Variants in MTDH observed in about 807,000 individuals in gnomAD.
MTDH encodes metadherin, also known as protein LYRIC.
In MTDH, 34 loss-of-function variants were observed where a neutral mutation model predicts 72.7. The ratio of observed to expected loss-of-function variants is 0.47; its 90% CI spans 0.36 to 0.62. The LOEUF is 0.62. Among genes scored for constraint, MTDH ranks in the 20% least tolerant of loss-of-function variants. The pLI, the probability that MTDH is intolerant of heterozygous loss-of-function variation, is 0.00. For missense variants in MTDH, 677 were observed against 699.4 expected, an observed-to-expected ratio of 0.97 and a Z score of 0.36; for synonymous variants, 266 against 268.9, an observed-to-expected ratio of 0.99 and a Z score of 0.10.
chr8:97,713,233 T>C (rs576044440), intron 8 of MTDH, among the ~76,000 whole-genome samples: 2 of 152,204 alleles, frequency 1.3e-5, no homozygotes, highest in South Asian at 2.1e-4. Context: ...TACAGGCGCC[T>C]GCCATCACGC....
rs781634871 is a variant in MTDH, at chr8:97,728,245, TAAAAC to T, written c.*3579_*3583del. The T allele has an allele frequency of 1.2e-4, 18 of 152,336 alleles. No homozygotes were observed. The highest frequency in any genetic ancestry group is 2.1e-4 in the South Asian group (1 of 4,832). 9.4% of individuals were successfully genotyped at this position (152,336 alleles called of 1,614,324 possible). ...CATAAGATGCATTGAGTATTGTAAA[TAAAAC>T]AAACCATTTTTGATTTGTTTAAATT... is the stretch of plus-strand genomic sequence containing the variant. On this transcript the variant is annotated 3_prime_UTR_variant, in exon 12 of 12. Transcript: ENST00000336273.
chr8:97,656,569 G>A (rs1157089578), intron 1 of MTDH, among the ~76,000 whole-genome samples: 1 of 151,284 alleles, frequency 6.6e-6, no homozygotes, highest in Non-Finnish European at 1.5e-5. Flanking sequence ...CCAAAGTGCT[G>A]GGATTACAGG....
At chr8:97,678,288 T>A (rs1374840680) in intron 2 of MTDH, among the ~76,000 whole-genome samples, 2 of 152,160 alleles carry the variant, frequency 1.3e-5, no homozygotes, top group African/African-American at 4.8e-5. Flanking sequence ...TGACTGGAAT[T>A]AAAAAAATAA....
chr8:97,684,122 A>G (rs1196970495), intron 2 of MTDH, among the ~76,000 whole-genome samples: 1 of 137,922 alleles, frequency 7.3e-6, no homozygotes, highest in Non-Finnish European at 1.6e-5. Context: ...GGGCAACAAG[A>G]GTGAAAAACT....
At chr8:97,646,255 A>C (rs953357937) in intron 1 of MTDH, among the ~76,000 whole-genome samples, 1 of 152,198 alleles carries the variant, frequency 6.6e-6, no homozygotes, top group Admixed American at 6.5e-5. Context: ...ATAGGCCTTC[A>C]CGTTTTGCCT....
At chr8:97,669,789 G>A (rs1433843901) in intron 2 of MTDH, among the ~76,000 whole-genome samples, 1 of 152,034 alleles carries the variant, frequency 6.6e-6, no homozygotes, top group Non-Finnish European at 1.5e-5. Flanking sequence ...GATGGCACAC[G>A]CCTGTAATCC....
chr8:97,682,201 T>A (rs1300909835), intron 2 of MTDH, among the ~76,000 whole-genome samples: 1 of 134,826 alleles, frequency 7.4e-6, no homozygotes, highest in Non-Finnish European at 1.6e-5. Flanking sequence ...TATTTAATCT[T>A]ATCGGGATGG....
intron 3 of MTDH, 41 bp downstream of exon 3, chr8:97,686,793 C>T (rs757332105): frequency 1.5e-6 from 2 of 1,364,976 alleles, no homozygotes; most frequent in East Asian, 2.4e-5. Flanking sequence ...ATTTTTTAAT[C>T]CTTTTTTATC....
chr8:97,678,049 A>T (rs1812926932), intron 2 of MTDH, among the ~76,000 whole-genome samples: 1 of 152,238 alleles, frequency 6.6e-6, no homozygotes, highest in African/African-American at 2.4e-5. Context: ...TAAATAAATT[A>T]GTACCAGAGC....
rs548400860 is a variant in MTDH at position 97,679,072 on chromosome 8, A to T, written c.484-7596A>T. On this transcript the variant is annotated intron_variant, in intron 2 of 11. Coordinates refer to ENST00000336273, the MANE Select transcript of MTDH (RefSeq NM_178812.4). ...CTAACAGCCCAGATTCCAGAGCACG[A>T]GTACATGGGATCCAATTCCAGTTCT... Among the ~76,000 whole-genome samples, 3 of 152,332 alleles carry T rather than the reference A, an allele frequency of 2.0e-5. No homozygotes were observed. The East Asian group carries it at 5.8e-4, about 29-fold the overall frequency.
rs182152461 is a variant in MTDH, at chr8:97,709,907, C to T, written c.1272+3157C>T. Reference sequence around the variant, plus strand: ...GAGTTAAAAGTTGTAGAGTTGATTTCAGCATCTTCCCATTAACAAAAATAG... The same window carrying T: ...GAGTTAAAAGTTGTAGAGTTGATTTTAGCATCTTCCCATTAACAAAAATAG... On this transcript the variant is annotated intron_variant, in intron 8 of 11. Transcript: ENST00000336273. 2.5e-3 allele frequency among the ~76,000 whole-genome samples: 375 copies of T among 152,292 alleles called. 1 individual carries two copies. The highest frequency in any genetic ancestry group is 4.2e-3 in the Non-Finnish European group (289 of 68,016).
intron 2 of MTDH, among the ~76,000 whole-genome samples, chr8:97,668,059 C>T (rs1019559498): frequency 6.6e-6 from 1 of 152,014 alleles, no homozygotes; most frequent in African/African-American, 2.4e-5. Context: ...AGGCCGAGAT[C>T]AGTGGATCAC....
intron 8 of MTDH, among the ~76,000 whole-genome samples, chr8:97,709,391 T>C (rs141207556): frequency 3.1e-4 from 47 of 152,330 alleles, no homozygotes; most frequent in Non-Finnish European, 5.9e-4. Context: ...TTCACATGTT[T>C]GTTGGACATT....
In MTDH at chr8:97,723,000, C is replaced by A; in HGVS notation, c.1643C>A (p.Ser548Ter). 1 of 1,614,062 alleles carries A rather than the reference C, an allele frequency of 6.2e-7. No homozygotes were observed. The highest frequency in any genetic ancestry group is 1.1e-5 in the South Asian group (1 of 91,046). ...PILQETDKSKSNTKQNSVPPS... is the reference protein window; with the variant it reads ...PILQETDKSK Reference sequence around the variant, plus strand: ...CTACAAGAGACAGATAAATCCAAGTCAAATACCAAGCAAAATAGTGTGCCT... The same window carrying A: ...CTACAAGAGACAGATAAATCCAAGTAAAATACCAAGCAAAATAGTGTGCCT... Residue 548 changes from serine (S) to a stop codon, truncating the protein, a stop_gained, in exon 11 of 12, where the codon TCA becomes TAA. Transcript: ENST00000336273. LOFTEE classifies it high-confidence loss of function.
rs142689277 is a variant in MTDH, at chr8:97,673,068, C to G, written c.483+11895C>G. On this transcript the variant is annotated intron_variant, in intron 2 of 11. Coordinates refer to ENST00000336273, the MANE Select transcript of MTDH (RefSeq NM_178812.4). ...ATTTTAGGCTCTTTCATTGGTTACT[C>G]ATAAATTAACTGAATACCTTCTGCG... Among the ~76,000 whole-genome samples, 1,173 of 152,230 alleles carry G rather than the reference C, an allele frequency of 7.7e-3. 15 individuals carry two copies. Among genetic ancestry groups the G allele is most frequent in the African/African-American group, 0.026 (1,097 of 41,538 alleles).
chr8:97,668,016 G>A (rs1032276617), intron 2 of MTDH, among the ~76,000 whole-genome samples: 4 of 151,420 alleles, frequency 2.6e-5, no homozygotes, highest in East Asian at 2.0e-4. Context: ...CGCCAGGCGC[G>A]GTGGCTCACG....
intron 10 of MTDH, among the ~76,000 whole-genome samples, chr8:97,722,593 C>T (rs940808234): frequency 2.6e-5 from 4 of 152,130 alleles, no homozygotes; most frequent in African/African-American, 9.7e-5. Context: ...CAGAGTGAGA[C>T]TCCACCTCAA....
At chr8:97,717,937 A>G (rs1814941154) in intron 9 of MTDH, among the ~76,000 whole-genome samples, 1 of 152,114 alleles carries the variant, frequency 6.6e-6, no homozygotes, top group Non-Finnish European at 1.5e-5. Flanking sequence ...TTTAGTAGAA[A>G]CAGGGTTTCA....
intron 7 of MTDH, among the ~76,000 whole-genome samples, chr8:97,700,800 ATACCT>A (rs1196482469): frequency 6.6e-6 from 1 of 152,194 alleles, no homozygotes; most frequent in Non-Finnish European, 1.5e-5. Context: ...GGTGGTATTC[ATACCT>A]TGCTAGTCTG....
Sources: gnomAD v4.1 joint callset for allele counts (sites outside exome capture counted in the v4.1 genomes callset) on GRCh38, gnomAD v4.1.1 for gene constraint, MANE v1.5 for transcripts, NCBI Gene and HGNC (gene_info 2026-07-23, HGNC 2026-07-21) for gene names.